SERGEF: variants seen among roughly 807,000 people sequenced by gnomAD.
SERGEF encodes the protein secretion-regulating guanine nucleotide exchange factor.
A neutral mutation model predicts 50.0 loss-of-function variants in SERGEF; 51 were observed. The observed-to-expected ratio is 1.02, with a 90% CI of 0.81 to 1.29. SERGEF has a LOEUF of 1.29. Ranked by LOEUF, SERGEF falls within the 50% of genes most tolerant of loss-of-function variation. The probability of loss-of-function intolerance (pLI) is 0.00; values close to 1 mark genes in which losing one functional copy is unlikely to be tolerated. For missense variants in SERGEF, 521 were observed against 557.0 expected (o/e 0.94, Z 0.65); for synonymous variants, 205 against 212.4 (o/e 0.97, Z 0.30).
rs948587637 is a variant in SERGEF at position 17,911,327 on chromosome 11, T to TTA, written c.1012-33085_1012-33084dup. Among the ~76,000 whole-genome samples the TTA allele has an allele frequency of 5.0e-4, 73 of 145,882 alleles. 1 individual carries two copies. In the East Asian group the frequency reaches 9.0e-3, roughly 18 times the overall value. On this transcript the variant is annotated intron_variant, in intron 9 of 10. Coordinates refer to ENST00000265965, the MANE Select transcript of SERGEF (RefSeq NM_012139.4). The stretch of plus-strand genomic sequence containing the variant: ...GTTTTATTGAGGTATTTTATATATA[T>TTA]TATATATATATTATATATAATATAT...
At chr11:17,996,052 A>C in intron 5 of SERGEF, 143 bp from the exon 6 acceptor site, 1 of 655,204 alleles carries the variant, frequency 1.5e-6, no homozygotes, top group Non-Finnish European at 2.7e-6. Context: ...TTGCTTCAAG[A>C]GGTCCTGTAA....
intron 9 of SERGEF, among the ~76,000 whole-genome samples, chr11:17,918,388 A>T (rs1852086299): frequency 6.6e-6 from 1 of 152,240 alleles, no homozygotes; most frequent in African/African-American, 2.4e-5. Flanking sequence ...AGCTCCCTGC[A>T]GGGTCAATAC....
chr11:18,004,609 G>T, intron 3 of SERGEF, 74 bp from the exon 4 acceptor site: 1 of 1,020,596 alleles, frequency 9.8e-7, no homozygotes, highest in Non-Finnish European at 1.5e-6. Flanking sequence ...ATGCTGCAGG[G>T]TGAGAGATGC....
At chr11:17,941,740 G>A (rs1417045300) in intron 9 of SERGEF, among the ~76,000 whole-genome samples, 3 of 152,076 alleles carry the variant, frequency 2.0e-5, no homozygotes, top group African/African-American at 7.2e-5. Context: ...ACTATTTTAC[G>A]TTCCCACCAA....
chr11:18,012,794 CTCCGCT>C, intron 1 of SERGEF, 151 bp downstream of exon 1: 11 of 1,479,478 alleles, frequency 7.4e-6, no homozygotes, highest in East Asian at 2.6e-5. Flanking sequence ...CCCGCTCCTC[CTCCGCT>C]CCCCCTCCGC....
At chr11:17,964,674 C>G (rs774472227) in intron 8 of SERGEF, among the ~76,000 whole-genome samples, 3 of 152,098 alleles carry the variant, frequency 2.0e-5, no homozygotes, top group Non-Finnish European at 4.4e-5. Context: ...GTTACAAGGT[C>G]TTCTAGAATA....
chr11:17,967,684 G>A (rs1366756692), intron 8 of SERGEF, among the ~76,000 whole-genome samples: 1 of 152,216 alleles, frequency 6.6e-6, no homozygotes, highest in Non-Finnish European at 1.5e-5. Context: ...CTAGGGAAGA[G>A]CATGGCAGGA....
intron 10 of SERGEF, among the ~76,000 whole-genome samples, chr11:17,799,180 G>A (rs1297269224): frequency 6.6e-6 from 1 of 152,036 alleles, no homozygotes; most frequent in African/African-American, 2.4e-5. Flanking sequence ...TAGAAGTATG[G>A]TACCCAGAGC....
chr11:17,850,859 G>A (rs1850697611), intron 10 of SERGEF, among the ~76,000 whole-genome samples: 1 of 152,156 alleles, frequency 6.6e-6, no homozygotes, highest in African/African-American at 2.4e-5. Context: ...ACCACCAGGG[G>A]GGCAATTGTA....
Position 17,902,253 on chromosome 11 carries a change from G to GC in SERGEF, c.1012-24010dup, listed in dbSNP as rs1193547846. Among the ~76,000 whole-genome samples the GC allele has an allele frequency of 3.3e-5, 5 of 152,216 alleles. No homozygotes were observed. The East Asian group carries it at 5.8e-4, about 18-fold the overall frequency. On this transcript the variant is annotated intron_variant, in intron 9 of 10. Transcript: ENST00000265965. ...ATTGATGAAAGAGCTATAACGTTTG[G>GC]CCTGATTGCTTTACCAAGTTTTAAG... is the stretch of plus-strand genomic sequence containing the variant.
chr11:17,880,489 A>T (rs528228087), intron 9 of SERGEF, among the ~76,000 whole-genome samples: 2 of 152,352 alleles, frequency 1.3e-5, no homozygotes, highest in East Asian at 3.9e-4. Flanking sequence ...AATATTCATG[A>T]TATGAAAAAT....
chr11:17,964,047 G>A (rs1853068620), intron 8 of SERGEF, among the ~76,000 whole-genome samples: 1 of 152,154 alleles, frequency 6.6e-6, no homozygotes, highest in Non-Finnish European at 1.5e-5. Context: ...AAAAGGAAAG[G>A]AGAGGAAATA....
intron 9 of SERGEF, among the ~76,000 whole-genome samples, chr11:17,902,407 C>G (rs1331429664): frequency 1.3e-5 from 2 of 151,932 alleles, no homozygotes; most frequent in African/African-American, 4.8e-5. Flanking sequence ...GTGGAAGCCA[C>G]AAGGGAGCAA....
At chr11:17,905,206 C>T (rs561165039) in intron 9 of SERGEF, among the ~76,000 whole-genome samples, 1 of 152,346 alleles carries the variant, frequency 6.6e-6, no homozygotes, top group Admixed American at 6.5e-5. Context: ...ATTCCACCCT[C>T]TGTTTCTCTT....
chr11:17,853,111 C>G (rs763862840), intron 10 of SERGEF, among the ~76,000 whole-genome samples: 12 of 152,150 alleles, frequency 7.9e-5, no homozygotes, highest in Non-Finnish European at 1.6e-4. Context: ...CTAGGCAACT[C>G]ATTTAATCTC....
chr11:17,885,066 A>G (rs552864719), intron 9 of SERGEF, among the ~76,000 whole-genome samples: 3 of 151,842 alleles, frequency 2.0e-5, no homozygotes, highest in Admixed American at 6.6e-5. Context: ...CTCCTCTGAT[A>G]CTCTCCTCTT....
chr11:17,852,734 C>A (rs1850736253), intron 10 of SERGEF, among the ~76,000 whole-genome samples: 1 of 152,156 alleles, frequency 6.6e-6, no homozygotes, highest in African/African-American at 2.4e-5. Context: ...TAAACACTTT[C>A]CTAGCAATTT....
At chr11:17,895,525 G>A (rs1210092577) in intron 9 of SERGEF, among the ~76,000 whole-genome samples, 1 of 152,182 alleles carries the variant, frequency 6.6e-6, no homozygotes, top group Non-Finnish European at 1.5e-5. Flanking sequence ...CAGAAGTCCA[G>A]TTCCTAGCTG....
chr11:17,979,485 T>G (rs1853448043), intron 8 of SERGEF, among the ~76,000 whole-genome samples: 1 of 152,196 alleles, frequency 6.6e-6, no homozygotes. Context: ...GGAAGACACC[T>G]GGGGTAGCAT....
Sources: allele counts gnomAD v4.1 joint callset (sites outside exome capture counted in the v4.1 genomes callset), GRCh38; gene constraint gnomAD v4.1.1; transcripts MANE v1.5; gene names NCBI Gene and HGNC (gene_info 2026-07-23, HGNC 2026-07-21).